The following HIBADH variants were observed in gnomAD, a reference collection of about 807,000 sequenced individuals.
The protein encoded by HIBADH is 3-hydroxyisobutyrate dehydrogenase.
In HIBADH, 25 loss-of-function variants were observed where a neutral mutation model predicts 36.1. That is an observed-to-expected ratio of 0.69 (90% CI 0.50 to 0.97). The LOEUF (loss-of-function observed/expected upper bound fraction) is 0.97. Ranked by LOEUF, HIBADH falls within the 50% of genes least tolerant of loss-of-function variation. The probability of loss-of-function intolerance (pLI) is 0.00; values close to 1 mark genes in which losing one functional copy is unlikely to be tolerated. For missense variants in HIBADH, 421 were observed against 418.0 expected (o/e 1.01, Z -0.06); for synonymous variants, 160 against 149.5 (o/e 1.07, Z -0.51).
intron 4 of HIBADH, among the ~76,000 whole-genome samples, chr7:27,588,852 C>G (rs1784900981): frequency 6.6e-6 from 1 of 152,134 alleles, no homozygotes; most frequent in African/African-American, 2.4e-5. Flanking sequence ...ATATGCTTGG[C>G]CTTAAACCCC....
intron 4 of HIBADH, among the ~76,000 whole-genome samples, chr7:27,574,344 A>G (rs908724123): frequency 6.6e-6 from 1 of 152,006 alleles, no homozygotes; most frequent in Non-Finnish European, 1.5e-5. Context: ...CTGGTATCCC[A>G]CGAAGAATCT....
intron 2 of HIBADH, among the ~76,000 whole-genome samples, chr7:27,645,380 T>TTTTTTGTTTGTTTTGTTTTTG (rs1786047783): frequency 3.9e-5 from 5 of 128,758 alleles, no homozygotes; most frequent in African/African-American, 1.6e-4. Context: ...TTTTTTTTTT[T>TTTTTTGTTTGTTTTGTTTTTG]TTTTTTTTTT....
chr7:27,646,631 C>A (rs1786076397), intron 2 of HIBADH, among the ~76,000 whole-genome samples: 1 of 151,680 alleles, frequency 6.6e-6, no homozygotes, highest in South Asian at 2.1e-4. Context: ...CTCAAGTAAT[C>A]CTCCCACCTC....
At chr7:27,567,351 A>AC (rs1784560601) in intron 4 of HIBADH, among the ~76,000 whole-genome samples, 1 of 152,080 alleles carries the variant, frequency 6.6e-6, no homozygotes, top group African/African-American at 2.4e-5. Context: ...ATCTTTTTCT[A>AC]TACTTTTAAT....
At chr7:27,575,412 G>A (rs1325277562) in intron 4 of HIBADH, among the ~76,000 whole-genome samples, 1 of 152,220 alleles carries the variant, frequency 6.6e-6, no homozygotes, top group African/African-American at 2.4e-5. Context: ...GAAAGAAGTA[G>A]CAGAAAATAA....
intron 4 of HIBADH, among the ~76,000 whole-genome samples, chr7:27,620,447 A>T (rs1785518067): frequency 6.6e-6 from 1 of 152,138 alleles, no homozygotes; most frequent in Non-Finnish European, 1.5e-5. Flanking sequence ...AGAGAATAGG[A>T]TGATATATTC....
chr7:27,555,503 C>T (rs138175271), intron 4 of HIBADH, among the ~76,000 whole-genome samples: 4 of 151,916 alleles, frequency 2.6e-5, no homozygotes, highest in African/African-American at 7.3e-5. Flanking sequence ...TATCTATCAG[C>T]TAATTCTTAC....
At chr7:27,654,853 T>A (rs1397862705) in intron 1 of HIBADH, among the ~76,000 whole-genome samples, 1 of 152,022 alleles carries the variant, frequency 6.6e-6, no homozygotes, top group Non-Finnish European at 1.5e-5. Context: ...TCCTGGCTAA[T>A]TTTTGCATTT....
chr7:27,572,649 C>G (rs1221432573), intron 4 of HIBADH, among the ~76,000 whole-genome samples: 1 of 152,114 alleles, frequency 6.6e-6, no homozygotes, highest in East Asian at 1.9e-4. Flanking sequence ...ACATTAGGTA[C>G]TTGAAATCTC....
At chr7:27,560,278 C>T (rs897389343) in intron 4 of HIBADH, among the ~76,000 whole-genome samples, 6 of 152,188 alleles carry the variant, frequency 3.9e-5, no homozygotes, top group Non-Finnish European at 5.9e-5. Context: ...TGCACCACCA[C>T]GCCTAATTTT....
chr7:27,607,409 A>T (rs1453880065), intron 4 of HIBADH, among the ~76,000 whole-genome samples: 2 of 152,106 alleles, frequency 1.3e-5, no homozygotes, highest in African/African-American at 2.4e-5. Context: ...CATGGGAGGA[A>T]GAGGCAGGAG....
intron 1 of HIBADH, among the ~76,000 whole-genome samples, chr7:27,659,589 G>C (rs1444852232): frequency 6.6e-6 from 1 of 152,020 alleles, no homozygotes; most frequent in Non-Finnish European, 1.5e-5. Context: ...AGGTGTGGTG[G>C]TGTGCACCTG....
At chr7:27,641,250 T>C in intron 2 of HIBADH, among the ~76,000 whole-genome samples, 1 of 152,234 alleles carries the variant, frequency 6.6e-6, no homozygotes, top group East Asian at 1.9e-4. Flanking sequence ...CATCTGATTT[T>C]CTTCCCTGCA....
chr7:27,632,534 T>C lies in HIBADH; in HGVS notation c.253-89A>G, dbSNP rs17155541. 3.6e-3 allele frequency: 2,519 copies of C among 706,122 alleles called. 23 individuals carry two copies. The highest frequency in any genetic ancestry group is 0.022 in the Admixed American group (1,112 of 49,716). The allele number at this position is 706,122 out of a possible 1,614,324, so 43.7% of individuals were successfully genotyped here. On this transcript the variant is annotated intron_variant, in intron 2 of 7. Coordinates refer to ENST00000265395, the MANE Select transcript of HIBADH (RefSeq NM_152740.4). ...ACAGGATCCACTTTTCATGCATGCC[T>C]ATAACAGTGACAGTGCATAAAGACT...
At chr7:27,638,637 A>G (rs1382280596) in intron 2 of HIBADH, among the ~76,000 whole-genome samples, 2 of 152,216 alleles carry the variant, frequency 1.3e-5, no homozygotes, top group Admixed American at 1.3e-4. Context: ...AAAAGAAACT[A>G]TCAACAAAAA....
At chr7:27,552,162 A>T (rs1236741901) in intron 4 of HIBADH, among the ~76,000 whole-genome samples, 1 of 152,150 alleles carries the variant, frequency 6.6e-6, no homozygotes, top group African/African-American at 2.4e-5. Context: ...GTGCACAATC[A>T]GTTTAGAGCG....
At chr7:27,643,144 G>T (rs1488388466) in intron 2 of HIBADH, among the ~76,000 whole-genome samples, 2 of 152,114 alleles carry the variant, frequency 1.3e-5, no homozygotes, top group Non-Finnish European at 2.9e-5. Context: ...GTCTTGTTCT[G>T]AGCTATATTC....
At chr7:27,596,320 A>G (rs1251477774) in intron 4 of HIBADH, among the ~76,000 whole-genome samples, 1 of 152,204 alleles carries the variant, frequency 6.6e-6, no homozygotes, top group Non-Finnish European at 1.5e-5. Context: ...TAATCCATTC[A>G]CAAGGGCAGA....
In HIBADH at chr7:27,526,354, C is replaced by T. The variant is rs761076064; in HGVS notation, c.871G>A (p.Asp291Asn). Residue 291 changes from aspartate to asparagine, a missense_variant, in exon 8 of 8, where the codon GAC becomes AAC. By Grantham distance (23) the Asp-to-Asn change is conservative (BLOSUM62 1). Transcript: ENST00000265395. The stretch of plus-strand genomic sequence containing the variant: ...GGGCTCTTTGTGCTGGTAGCAGAGT[C>T]TTGTGCCAATCCCAGATCCTAAATC... ...LMAKDLGLAQ[D>N]SATSTKSPIL... 3 of 1,611,508 alleles carry T rather than the reference C, an allele frequency of 1.9e-6. No homozygotes were observed. In the African/African-American group the frequency reaches 4.0e-5, roughly 22 times the overall value.
Sources: gnomAD v4.1 joint callset for allele counts (sites outside exome capture counted in the v4.1 genomes callset) on GRCh38, gnomAD v4.1.1 for gene constraint, MANE v1.5 for transcripts, NCBI Gene and HGNC (gene_info 2026-07-23, HGNC 2026-07-21) for gene names.